Variants in PCDHGB6 observed in about 807,000 individuals in gnomAD.
PCDHGB6 encodes the protein protocadherin gamma-B6.
PCDHGB6 carries 51 observed loss-of-function variants against 59.1 expected under a neutral mutation model. The ratio of observed to expected loss-of-function variants is 0.86; its 90% confidence interval spans 0.69 to 1.09. The LOEUF is 1.09. PCDHGB6 is among the 50% of genes least tolerant of loss of function. The pLI is 0.00. For synonymous variants in PCDHGB6, 466 were observed against 495.1 expected, an observed-to-expected ratio of 0.94 and a Z score of 0.78; for missense variants, 1,148 against 1,205.1, an observed-to-expected ratio of 0.95 and a Z score of 0.70.
chr5:141,508,740 C>G (rs2099871405), intron 3 of PCDHGB6, among the ~76,000 whole-genome samples: 1 of 152,006 alleles, frequency 6.6e-6, no homozygotes. Flanking sequence ...CACCCCCCAC[C>G]CCGCTCTTTC....
Position 141,511,035 on chromosome 5 carries a change from C to A in PCDHGB6, c.2655C>A (p.His885Gln). Residue 885 changes from histidine to glutamine, a missense_variant, in exon 4 of 4, where the codon CAC becomes CAA. Physicochemically the swap from His to Gln is conservative, Grantham distance 24 (BLOSUM62 0). Transcript: ENST00000520790. The stretch of plus-strand genomic sequence containing the variant: ...ACGGACCCCAGTTCACCCTGCAGCA[C>A]GTGCCCGACTACCGCCAGAATGTCT... ...ARYGPQFTLQ[H>Q]VPDYRQNVYI... 2 of 1,614,208 alleles carry A rather than the reference C, an allele frequency of 1.2e-6. No individual in the cohort carries two copies. The highest frequency in any genetic ancestry group is 1.1e-5 in the South Asian group (1 of 91,088).
rs1431906047 is a variant in PCDHGB6, at chr5:141,485,858, C to T, written c.2419-8949C>T. On this transcript the variant is annotated intron_variant, in intron 1 of 3. Transcript: ENST00000520790. This position sits in a 1 kb window ranked among gnomAD's most constrained non-coding sequence, Gnocchi z 5.7. ...GCCGAGATCTGGCACCGCAGAGCTC[C>T]GGGTATCCGTGCTGGACGTAAACGA... The T allele has an allele frequency of 1.9e-6, 3 of 1,614,162 alleles. No individual in the cohort carries two copies. The highest frequency in any genetic ancestry group is 2.5e-6 in the Non-Finnish European group (3 of 1,180,028).
chr5:141,422,959 C>T, intron 1 of PCDHGB6: 5 of 1,614,234 alleles, frequency 3.1e-6, no homozygotes, highest in African/African-American at 1.3e-5. Flanking sequence ...TGGCGTGGAG[C>T]TGGCGCCCCG....
intron 1 of PCDHGB6, among the ~76,000 whole-genome samples, chr5:141,463,177 A>G (rs914982793): frequency 2.6e-5 from 4 of 152,250 alleles, no homozygotes; most frequent in Admixed American, 2.6e-4. Context: ...ATGTATGCTC[A>G]GATTATTATT....
chr5:141,506,459 A>G (rs1159808052), intron 3 of PCDHGB6, among the ~76,000 whole-genome samples: 4 of 151,918 alleles, frequency 2.6e-5, no homozygotes, highest in Non-Finnish European at 4.4e-5. Context: ...AAAAAAAAAA[A>G]AAAAAAGAGC....
intron 2 of PCDHGB6, among the ~76,000 whole-genome samples, chr5:141,495,389 C>T (rs966648925): frequency 2.0e-5 from 3 of 152,204 alleles, no homozygotes; most frequent in African/African-American, 7.2e-5. Context: ...CTGGGCGGGG[C>T]ATGGAGCAGG....
Position 141,490,809 on chromosome 5 carries a change from C to T in PCDHGB6, c.2419-3998C>T. On this transcript the variant is annotated intron_variant, in intron 1 of 3. Transcript: ENST00000520790. The surrounding 1 kb of genome is among the most constrained non-coding windows in gnomAD (Gnocchi z 5.4). Reference sequence around the variant, plus strand: ...GGATCTTTGCCCAGCGTACCTTTGACTATGAATTGCTGCAGATGCTGCAGA... The same window carrying T: ...GGATCTTTGCCCAGCGTACCTTTGATTATGAATTGCTGCAGATGCTGCAGA... 2 of 1,613,954 alleles carry T rather than the reference C, an allele frequency of 1.2e-6. No individual in the cohort carries two copies. Among genetic ancestry groups the T allele is most frequent in the South Asian group, 2.2e-5 (2 of 91,076 alleles).
At chr5:141,426,021 A>G (rs1590662256) in intron 1 of PCDHGB6, among the ~76,000 whole-genome samples, 2 of 152,312 alleles carry the variant, frequency 1.3e-5, no homozygotes, top group East Asian at 3.9e-4. Context: ...AGTTTTCTAA[A>G]TAGACTCAGA....
At chr5:141,410,697 T>G in intron 1 of PCDHGB6, 77 bp downstream of exon 1, 1 of 1,489,152 alleles carries the variant, frequency 6.7e-7, no homozygotes, top group Non-Finnish European at 9.0e-7. Context: ...TACTTTATTT[T>G]CATATCTAGA....
chr5:141,429,379 T>G (rs573911129), intron 1 of PCDHGB6, among the ~76,000 whole-genome samples: 5 of 151,382 alleles, frequency 3.3e-5, no homozygotes, highest in East Asian at 1.9e-4. Context: ...GAAAATGTGT[T>G]TTTTTTTTAA....
At chr5:141,481,913 CAAAA>C (rs34114744) in intron 1 of PCDHGB6, among the ~76,000 whole-genome samples, 1 of 90,848 alleles carries the variant, frequency 1.1e-5, no homozygotes, top group Non-Finnish European at 2.2e-5. Context: ...AACTCCATCT[CAAAA>C]AAAAAAAAAA....
intron 1 of PCDHGB6, among the ~76,000 whole-genome samples, chr5:141,473,096 G>A (rs1007912058): frequency 9.9e-5 from 15 of 152,058 alleles, no homozygotes; most frequent in African/African-American, 3.6e-4. Context: ...ACTGTGAGTT[G>A]TATTACCACA....
chr5:141,491,381 C>A lies in PCDHGB6; in HGVS notation c.2419-3426C>A. On this transcript the variant is annotated intron_variant, in intron 1 of 3. Transcript: ENST00000520790. This position sits in a 1 kb window ranked among gnomAD's most constrained non-coding sequence, Gnocchi z 6.9. ...CTAGTCACCTTCACCTTTCTGTCAGCGAAGTGCCTTCAGGGAAACGCAGAC... is the reference window on the plus strand; with the variant it reads ...CTAGTCACCTTCACCTTTCTGTCAGAGAAGTGCCTTCAGGGAAACGCAGAC... 2 of 1,614,068 alleles carry A rather than the reference C, an allele frequency of 1.2e-6. No homozygotes were observed. The highest frequency in any genetic ancestry group is 1.7e-6 in the Non-Finnish European group (2 of 1,179,950).
At position 141,409,359 on chromosome 5, in the gene PCDHGB6, T is replaced by C. The variant is rs371907890; in HGVS notation, c.1157T>C (p.Ile386Thr). ...GGAAATGGAGAAGTCAGGTGTAATA[T>C]AGAAACAGACATTCCATTCAAGATT... ...FGGNGEVRCNIETDIPFKIYS... is the reference protein window; with the variant it reads ...FGGNGEVRCNTETDIPFKIYS... Residue 386 changes from isoleucine to threonine, a missense_variant, in exon 1 of 4, where the codon ATA becomes ACA. By Grantham distance (89) the Ile-to-Thr change is moderately conservative (BLOSUM62 -1). Around this residue, in one of 5 missense-constraint regions of PCDHGB6, gnomAD observed 549 missense variants for 527.5 expected, o/e 1.04. Coordinates refer to ENST00000520790, the MANE Select transcript of PCDHGB6 (RefSeq NM_018926.3). 6.8e-6 allele frequency: 11 copies of C among 1,614,026 alleles called. No individual in the cohort carries two copies. The highest frequency in any genetic ancestry group is 8.5e-6 in the Non-Finnish European group (10 of 1,179,908).
intron 2 of PCDHGB6, among the ~76,000 whole-genome samples, chr5:141,496,411 CT>C (rs1266082660): frequency 6.6e-6 from 1 of 152,190 alleles, no homozygotes; most frequent in African/African-American, 2.4e-5. Context: ...TGGTTGAGTA[CT>C]TGCTGTCCAC....
chr5:141,505,653 G>A (rs1049630228), intron 3 of PCDHGB6, among the ~76,000 whole-genome samples, 172 bp downstream of exon 3: 1 of 152,184 alleles, frequency 6.6e-6, no homozygotes, highest in Non-Finnish European at 1.5e-5. Context: ...TTGTGGCTAA[G>A]GAACAGCAGA....
chr5:141,488,312 A>G lies in PCDHGB6; in HGVS notation c.2419-6495A>G, dbSNP rs952247975. 7.9e-5 allele frequency among the ~76,000 whole-genome samples: 12 copies of G among 152,286 alleles called. 1 individual carries two copies. Among genetic ancestry groups the G allele is most frequent in the African/African-American group, 2.9e-4 (12 of 41,558 alleles). On this transcript the variant is annotated intron_variant, in intron 1 of 3. Coordinates refer to ENST00000520790, the MANE Select transcript of PCDHGB6 (RefSeq NM_018926.3). ...AGTAAGTGAAATCACTTATGTCAGA[A>G]AACTGGTTTACAGTTGGCTGATTCA...
At chr5:141,502,216 A>G (rs957759583) in intron 2 of PCDHGB6, among the ~76,000 whole-genome samples, 3 of 152,334 alleles carry the variant, frequency 2.0e-5, no homozygotes, top group Admixed American at 6.5e-5. Context: ...GCAGATTTTC[A>G]TAAATGTTCT....
chr5:141,458,695 G>T (rs551105765), intron 1 of PCDHGB6, among the ~76,000 whole-genome samples: 2 of 151,734 alleles, frequency 1.3e-5, no homozygotes, highest in Non-Finnish European at 2.9e-5. Context: ...TCAGCCTCCC[G>T]AGTAGCTGGG....
Sources: allele counts gnomAD v4.1 joint callset (sites outside exome capture counted in the v4.1 genomes callset), GRCh38; gene constraint gnomAD v4.1.1; regional missense constraint gnomAD v4.1.1; non-coding constraint Gnocchi (gnomAD v3.1); transcripts MANE v1.5; gene names NCBI Gene and HGNC (gene_info 2026-07-23, HGNC 2026-07-21).